Variants in DPY19L2 observed in about 807,000 individuals in gnomAD.
DPY19L2 encodes probable C-mannosyltransferase DPY19L2.
A neutral mutation model predicts 97.9 loss-of-function variants in DPY19L2; 34 were observed. That is an observed-to-expected ratio of 0.35 (90% CI 0.26 to 0.46). The LOEUF (loss-of-function observed/expected upper bound fraction) is 0.46, where lower values mean the gene tolerates loss of function less well. Among genes scored for constraint, DPY19L2 ranks in the 20% least tolerant of loss-of-function variants. The pLI, the probability that DPY19L2 is intolerant of heterozygous loss-of-function variation, is 1.00. For synonymous variants in DPY19L2, 230 were observed against 307.9 expected (o/e 0.75, Z 2.65); for missense variants, 623 against 911.4 (o/e 0.68, Z 4.07).
intron 14 of DPY19L2, 122 bp from the exon 15 acceptor site, chr12:63,596,159 T>C: frequency 1.7e-6 from 1 of 603,796 alleles, no homozygotes; most frequent in Non-Finnish European, 2.7e-6. Context: ...AATTTCTTTG[T>C]CATCAGCAGA....
intron 6 of DPY19L2, 51 bp from the exon 7 acceptor site, chr12:63,626,577 A>G (rs563606353): frequency 6.5e-7 from 1 of 1,541,000 alleles, no homozygotes; most frequent in East Asian, 2.3e-5. Context: ...ATTCATGTAA[A>G]ATACAGTGAG....
chr12:63,606,616 C>T (rs2137630503), intron 12 of DPY19L2, among the ~76,000 whole-genome samples: 1 of 152,212 alleles, frequency 6.6e-6, no homozygotes, highest in South Asian at 2.1e-4. Context: ...AGATATATGG[C>T]TGTTCTTGAG....
intron 7 of DPY19L2, among the ~76,000 whole-genome samples, chr12:63,624,633 G>A (rs1182194936): frequency 1.3e-5 from 2 of 152,102 alleles, no homozygotes; most frequent in Admixed American, 6.5e-5. Context: ...TTTGTAAAAT[G>A]TACCGTAAAA....
intron 12 of DPY19L2, among the ~76,000 whole-genome samples, chr12:63,604,922 T>C (rs1565752527): frequency 6.6e-6 from 1 of 152,218 alleles, no homozygotes; most frequent in Non-Finnish European, 1.5e-5. Flanking sequence ...CTGTGTCCAG[T>C]ACATTTTTTA....
At chr12:63,572,749 C>G (rs1666943101) in intron 19 of DPY19L2, among the ~76,000 whole-genome samples, 1 of 151,980 alleles carries the variant, frequency 6.6e-6, no homozygotes, top group Non-Finnish European at 1.5e-5. Context: ...GAGAGAGAGA[C>G]TCCATATGGG....
Position 63,582,390 on chromosome 12 carries a change from A to C in DPY19L2, c.1725+16T>G, listed in dbSNP as rs1333402877. 1 of 1,606,104 alleles carries C rather than the reference A, an allele frequency of 6.2e-7. No individual in the cohort carries two copies. Among genetic ancestry groups the C allele is most frequent in the East Asian group, 2.2e-5 (1 of 44,778 alleles). On this transcript the variant is annotated intron_variant, in intron 18 of 21. Coordinates refer to ENST00000324472, the MANE Select transcript of DPY19L2 (RefSeq NM_173812.5). ...ATAGTTTTTATAGTATTGTTATACA[A>C]GAATGAATCCCTTACCTGTCGAGAG...
At chr12:63,619,649 C>T (rs181199498) in intron 9 of DPY19L2, among the ~76,000 whole-genome samples, 3 of 151,990 alleles carry the variant, frequency 2.0e-5, no homozygotes, top group Admixed American at 6.6e-5. Flanking sequence ...ATTACAGGAG[C>T]CCACCACCAT....
intron 6 of DPY19L2, among the ~76,000 whole-genome samples, chr12:63,630,184 T>C (rs951545254): frequency 6.6e-4 from 101 of 152,072 alleles, no homozygotes; most frequent in Non-Finnish European, 1.3e-3. Flanking sequence ...CCAGCTAACA[T>C]CATAATGACA....
intron 6 of DPY19L2, among the ~76,000 whole-genome samples, chr12:63,639,530 A>G (rs1190878342): frequency 1.3e-5 from 2 of 152,216 alleles, no homozygotes; most frequent in African/African-American, 2.4e-5. Flanking sequence ...CCCATCAAAA[A>G]GTGGATGAAG....
chr12:63,622,069 T>A (rs1216957958), intron 8 of DPY19L2, among the ~76,000 whole-genome samples: 1 of 152,202 alleles, frequency 6.6e-6, no homozygotes, highest in African/African-American at 2.4e-5. Context: ...AACAAAATTC[T>A]AAATGTTCAT....
chr12:63,645,271 T>C (rs915425062), intron 5 of DPY19L2, among the ~76,000 whole-genome samples: 1 of 152,176 alleles, frequency 6.6e-6, no homozygotes, highest in Non-Finnish European at 1.5e-5. Context: ...AAGGCTGGCC[T>C]TCTGATTCCC....
intron 6 of DPY19L2, among the ~76,000 whole-genome samples, chr12:63,627,085 T>C (rs1407569994): frequency 1.3e-5 from 2 of 152,088 alleles, no homozygotes; most frequent in African/African-American, 4.8e-5. Context: ...CCACATAAAA[T>C]CATTTTTAAG....
chr12:63,580,893 A>G, intron 18 of DPY19L2, 57 bp from the exon 19 acceptor site: 1 of 1,546,238 alleles, frequency 6.5e-7, no homozygotes, highest in Non-Finnish European at 8.7e-7. Flanking sequence ...CCGTAGGGTC[A>G]ACAATAAATT....
Position 63,568,259 on chromosome 12 carries a change from CTCA to C in DPY19L2, c.2126+962_2126+964del, listed in dbSNP as rs369254123. 1.9e-3 allele frequency among the ~76,000 whole-genome samples: 296 copies of C among 152,082 alleles called. 1 individual carries two copies. The highest frequency in any genetic ancestry group is 0.01 in the Middle Eastern group (3 of 294). On this transcript the variant is annotated intron_variant, in intron 21 of 21. Transcript: ENST00000324472. ...TTCTGTTCAAATGTTCTGTTTTCAT[CTCA>C]AAATTGTTGTTGAGTACATTTAAAT...
chr12:63,638,160 C>G (rs1047783477), intron 6 of DPY19L2, among the ~76,000 whole-genome samples: 2 of 152,230 alleles, frequency 1.3e-5, no homozygotes, highest in Admixed American at 6.5e-5. Context: ...ATTCCATAGT[C>G]CTTCATGCTA....
chr12:63,609,272 C>T (rs1886569199), intron 11 of DPY19L2, among the ~76,000 whole-genome samples: 1 of 151,988 alleles, frequency 6.6e-6, no homozygotes. Flanking sequence ...TGGGTCTATG[C>T]AAGGTAAGAA....
At chr12:63,590,135 AC>A (rs58579188) in intron 16 of DPY19L2, among the ~76,000 whole-genome samples, 27,430 of 150,132 alleles carry the variant, frequency 0.18, 3,587 homozygotes, top group African/African-American at 0.4. Flanking sequence ...AAACAAAACA[AC>A]AACAACAACA....
intron 6 of DPY19L2, among the ~76,000 whole-genome samples, chr12:63,638,445 A>C (rs996849201): frequency 2.6e-5 from 4 of 152,176 alleles, no homozygotes; most frequent in African/African-American, 4.8e-5. Flanking sequence ...ACATGATTGT[A>C]TATCTAGAAA....
chr12:63,591,966 GAA>G (rs1491115484), intron 16 of DPY19L2, among the ~76,000 whole-genome samples: 11 of 103,162 alleles, frequency 1.1e-4, no homozygotes, highest in Middle Eastern at 0.011. Context: ...GAAAAGAAAA[GAA>G]AAGAAAAGAG....
Sources: allele counts gnomAD v4.1 joint callset (sites outside exome capture counted in the v4.1 genomes callset), GRCh38; gene constraint gnomAD v4.1.1; transcripts MANE v1.5; gene names NCBI Gene and HGNC (gene_info 2026-07-23, HGNC 2026-07-21).